AQP4: variants seen among roughly 807,000 people sequenced by gnomAD.
The protein encoded by AQP4 is aquaporin-4.
Under a neutral mutation model 27.8 loss-of-function variants are expected in AQP4, and 18 were observed. That is an observed-to-expected ratio of 0.65 (90% CI 0.45 to 0.96). The LOEUF is 0.96. AQP4 is among the 40% of genes least tolerant of loss of function. AQP4 has a pLI of 0.00. For synonymous variants in AQP4, 141 were observed against 142.9 expected (o/e 0.99, Z 0.10); for missense variants, 412 against 408.2 (o/e 1.01, Z -0.08).
chr18:26,861,398 A>G, intron 2 of AQP4, 103 bp from the exon 3 acceptor site: 1 of 1,211,068 alleles, frequency 8.3e-7, no homozygotes, highest in Non-Finnish European at 1.2e-6. Context: ...GTAAAAAGTA[A>G]AGGTAAGTCT....
Position 26,853,982 on chromosome 18 carries a change from A to T in AQP4, c.*2229T>A, listed in dbSNP as rs1177705155. 2 of 152,194 alleles carry T rather than the reference A, an allele frequency of 1.3e-5. No individual in the cohort carries two copies. Among genetic ancestry groups the T allele is most frequent in the African/African-American group, 4.8e-5 (2 of 41,454 alleles). 9.4% of individuals were successfully genotyped at this position (152,194 alleles called of 1,614,324 possible). A position where few individuals can be genotyped will look rare whatever the true frequency, so the allele number is the denominator to read the frequency against. On this transcript the variant is annotated 3_prime_UTR_variant, in exon 5 of 5. Coordinates refer to ENST00000383168, the MANE Select transcript of AQP4 (RefSeq NM_001650.7). ...GCAAAATAAAGATTAAAAGAAAATT[A>T]TTTATATTCTTAAATCTCAAATGAG...
rs2054802842 is a variant in AQP4, at chr18:26,854,250, T to C, written c.*1961A>G. 6.6e-6 allele frequency: 1 copy of C among 152,214 alleles called. No individual in the cohort carries two copies. Among genetic ancestry groups the C allele is most frequent in the African/African-American group, 2.4e-5 (1 of 41,452 alleles). The allele number at this position is 152,214 out of a possible 1,614,324, so 9.4% of individuals were successfully genotyped here. On this transcript the variant is annotated 3_prime_UTR_variant, in exon 5 of 5. Transcript: ENST00000383168. Reference sequence around the variant, plus strand: ...GTATTCAAAAAATCTGCTTAACACTTCCTTGTTAACCGAACTTATTTTTAA... The same window carrying C: ...GTATTCAAAAAATCTGCTTAACACTCCCTTGTTAACCGAACTTATTTTTAA...
intron 4 of AQP4, among the ~76,000 whole-genome samples, chr18:26,857,625 C>T (rs573220434): frequency 1.6e-4 from 24 of 152,156 alleles, no homozygotes; most frequent in Middle Eastern, 3.4e-3. Flanking sequence ...CGTGCCCAGC[C>T]GGAAATTATT....
rs753980839 is a variant in AQP4, at chr18:26,862,241, C to T, written c.388G>A (p.Ala130Thr). 3.7e-6 allele frequency: 6 copies of T among 1,614,168 alleles called. No homozygotes were observed. The highest frequency in any genetic ancestry group is 4.5e-5 in the East Asian group (2 of 44,868). Residue 130 changes from alanine to threonine, a missense_variant, in exon 2 of 5, where the codon GCA becomes ACA. By Grantham distance (58) the Ala-to-Thr change is moderately conservative. Transcript: ENST00000383168. ...AAQCLGAIIG[A>T]GILYLVTPPS... ...GGTGTGACCAGATAGAGGATTCCTG[C>T]TCCAATGATGGCCCCCAGGCACTGG...
At chr18:26,860,610 G>A in intron 4 of AQP4, 162 bp downstream of exon 4, 3 of 707,066 alleles carry the variant, frequency 4.2e-6, no homozygotes, top group Admixed American at 2.1e-5. Context: ...CAGCAGATCT[G>A]TGCTATTCTT....
At chr18:26,860,693 A>C (rs1471989715) in intron 4 of AQP4, 79 bp downstream of exon 4, 1 of 1,305,332 alleles carries the variant, frequency 7.7e-7, no homozygotes, top group African/African-American at 1.5e-5. Flanking sequence ...GTAGTAGGCA[A>C]AATAATGAAA....
intron 1 of AQP4, among the ~76,000 whole-genome samples, chr18:26,864,003 G>C (rs887429369): frequency 6.6e-6 from 1 of 152,108 alleles, no homozygotes; most frequent in South Asian, 2.1e-4. Flanking sequence ...TTGGGGGGGG[G>C]GGGCAATTAC....
chr18:26,853,549 A>G lies in AQP4; in HGVS notation c.*2662T>C, dbSNP rs2054788759. The G allele has an allele frequency of 6.6e-6, 1 of 152,260 alleles. No homozygotes were observed. Among genetic ancestry groups the G allele is most frequent in the Admixed American group, 6.5e-5 (1 of 15,268 alleles). 9.4% of individuals were successfully genotyped at this position (152,260 alleles called of 1,614,324 possible). On this transcript the variant is annotated 3_prime_UTR_variant, in exon 5 of 5. Transcript: ENST00000383168. ...AGTTGGCATTGTTTCATGGCTGGGT[A>G]TAATTCATTTATGTCTTCCCAGTTT...
chr18:26,863,000 G>T (rs1008763837), intron 1 of AQP4: 2 of 179,628 alleles, frequency 1.1e-5, no homozygotes, highest in South Asian at 1.1e-4. Context: ...TGTGCGTGGG[G>T]GGGGGGGGTC....
chr18:26,855,665 A>C lies in AQP4; in HGVS notation c.*546T>G, dbSNP rs2054828726. On this transcript the variant is annotated 3_prime_UTR_variant, in exon 5 of 5. Transcript: ENST00000383168. The stretch of plus-strand genomic sequence containing the variant: ...ATTTGTGATATAAATGGAAGGAAGT[A>C]ACTGATGAGCAGTGACACTTGCTAA... The C allele has an allele frequency of 6.4e-6, 1 of 155,362 alleles. No homozygotes were observed. The highest frequency in any genetic ancestry group is 2.4e-5 in the African/African-American group (1 of 41,472). The allele number at this position is 155,362 out of a possible 1,614,324, so 9.6% of individuals were successfully genotyped here. A position where few individuals can be genotyped will look rare whatever the true frequency, so the allele number is the denominator to read the frequency against.
chr18:26,862,046 C>T, intron 2 of AQP4, 136 bp downstream of exon 2: 1 of 1,004,442 alleles, frequency 1.0e-6, no homozygotes, highest in East Asian at 2.4e-5. Flanking sequence ...AGTTTTCACA[C>T]TATTAAGAAT....
Position 26,861,697 on chromosome 18 carries a change from G to GT in AQP4, c.448-403dup, listed in dbSNP as rs553619074. Among the ~76,000 whole-genome samples the GT allele has an allele frequency of 2.6e-4, 39 of 151,200 alleles. No homozygotes were observed. In the East Asian group the frequency reaches 3.1e-3, roughly 12 times the overall value. On this transcript the variant is annotated intron_variant, in intron 2 of 4. Coordinates refer to ENST00000383168, the MANE Select transcript of AQP4 (RefSeq NM_001650.7). Reference sequence around the variant, plus strand: ...TTCAATTAAAATTTAAGCCATGTGTGTTTTTTTTTAATCAGCCCTGGTGCT... The same window carrying GT: ...TTCAATTAAAATTTAAGCCATGTGTGTTTTTTTTTTAATCAGCCCTGGTGCT...
Position 26,852,900 on chromosome 18 carries a change from T to C in AQP4, c.*3311A>G, listed in dbSNP as rs901166917. The C allele has an allele frequency of 2.5e-5, 10 of 398,432 alleles. No homozygotes were observed. Among genetic ancestry groups the C allele is most frequent in the African/African-American group, 1.9e-4 (9 of 48,640 alleles). The allele number at this position is 398,432 out of a possible 1,614,324, so 24.7% of individuals were successfully genotyped here. ...ACAAAGGCAAATTCTCTGTGAATTG[T>C]TCGTAACGTGAGGTTGGTGTCAACA... On this transcript the variant is annotated 3_prime_UTR_variant, in exon 5 of 5. Coordinates refer to ENST00000383168, the MANE Select transcript of AQP4 (RefSeq NM_001650.7).
chr18:26,857,412 T>C (rs935158243), intron 4 of AQP4, among the ~76,000 whole-genome samples: 3 of 152,038 alleles, frequency 2.0e-5, no homozygotes, highest in Non-Finnish European at 4.4e-5. Flanking sequence ...CTGCAAGCTC[T>C]GCCTCCCGGG....
At position 26,859,989 on chromosome 18, in the gene AQP4, A is replaced by G. The variant is rs377045710; in HGVS notation, c.693+783T>C. On this transcript the variant is annotated intron_variant, in intron 4 of 4. Transcript: ENST00000383168. Reference sequence around the variant, plus strand: ...AGTTAGCATGTTGGTGGCCTTCACAACTGCTGCATTACTTATTTAATTTTA... The same window carrying G: ...AGTTAGCATGTTGGTGGCCTTCACAGCTGCTGCATTACTTATTTAATTTTA... Among the ~76,000 whole-genome samples, 27 of 152,338 alleles carry G rather than the reference A, an allele frequency of 1.8e-4. No homozygotes were observed. In the East Asian group the frequency reaches 5.0e-3, roughly 28 times the overall value.
rs1448332095 is a variant in AQP4 at position 26,856,429 on chromosome 18, A to G, written c.754T>C (p.Phe252Leu). Residue 252 changes from phenylalanine (F) to leucine (L), a missense_variant, in exon 5 of 5, where the codon TTC (phenylalanine) becomes CTC (leucine). Physicochemically the swap from Phe to Leu is conservative, Grantham distance 22. Coordinates refer to ENST00000383168, the MANE Select transcript of AQP4 (RefSeq NM_001650.7). ...CGTTTGAATTCAACATCTGGACAGA[A>G]GACATACTCATAAAGGCCACCAGCG... is the stretch of plus-strand genomic sequence containing the variant. ...VLAGGLYEYVFCPDVEFKRRF... is the reference protein window; with the variant it reads ...VLAGGLYEYVLCPDVEFKRRF... 5.0e-6 allele frequency: 8 copies of G among 1,614,136 alleles called. No individual in the cohort carries two copies. In the Admixed American group the frequency reaches 1.3e-4, roughly 27 times the overall value.
Position 26,852,085 on chromosome 18 carries a change from G to A in AQP4, c.*4126C>T, listed in dbSNP as rs2054760368. On this transcript the variant is annotated 3_prime_UTR_variant, in exon 5 of 5. Transcript: ENST00000383168. ...CCAAATGTTTATTTTCACAAGCTTA[G>A]TAGTACAAGATGCAACATAATTCAA... is the stretch of plus-strand genomic sequence containing the variant. 6.6e-6 allele frequency: 1 copy of A among 152,172 alleles called. No individual in the cohort carries two copies. Among genetic ancestry groups the A allele is most frequent in the Non-Finnish European group, 1.5e-5 (1 of 68,032 alleles). The allele number at this position is 152,172 out of a possible 1,614,324, so 9.4% of individuals were successfully genotyped here. A position where few individuals can be genotyped will look rare whatever the true frequency, so the allele number is the denominator to read the frequency against.
chr18:26,857,316 AT>A (rs2054861956), intron 4 of AQP4, among the ~76,000 whole-genome samples: 1 of 65,528 alleles, frequency 1.5e-5, no homozygotes, highest in Non-Finnish European at 3.4e-5. Context: ...AATGGAAATT[AT>A]TATTATTATT....
chr18:26,860,765 G>T lies in AQP4; in HGVS notation c.693+7C>A. The T allele has an allele frequency of 1.9e-6, 3 of 1,610,800 alleles. No individual in the cohort carries two copies. Among genetic ancestry groups the T allele is most frequent in the Non-Finnish European group, 2.5e-6 (3 of 1,177,022 alleles). ...AGGAAGATGGGAACTATCAATATGA[G>T]GGTTACCCAATGGTTTTCCCAATTT... On this transcript the variant is annotated splice_region_variant and intron_variant, in intron 4 of 4. Coordinates refer to ENST00000383168, the MANE Select transcript of AQP4 (RefSeq NM_001650.7).
Sources: allele counts gnomAD v4.1 joint callset (sites outside exome capture counted in the v4.1 genomes callset), GRCh38; gene constraint gnomAD v4.1.1; transcripts MANE v1.5; gene names NCBI Gene and HGNC (gene_info 2026-07-23, HGNC 2026-07-21).